FANCM: variants seen among roughly 807,000 people sequenced by gnomAD.
FANCM encodes Fanconi anemia group M protein.
A neutral mutation model predicts 199.5 loss-of-function variants in FANCM; 140 were observed. The observed-to-expected ratio is 0.70, with a 90% CI of 0.61 to 0.81. The LOEUF (loss-of-function observed/expected upper bound fraction) is 0.81, where lower values mean the gene tolerates loss of function less well. Ranked by LOEUF, FANCM falls within the 30% of genes least tolerant of loss-of-function variation. The pLI is 0.00. For missense variants in FANCM, 2,410 were observed against 2,421.4 expected (o/e 1.00, Z 0.10); for synonymous variants, 840 against 836.8 (o/e 1.00, Z -0.07).
chr14:45,140,579 AC>A (rs1885841429), intron 2 of FANCM, 52 bp from the exon 3 acceptor site: 2 of 921,470 alleles, frequency 2.2e-6, no homozygotes, highest in Non-Finnish European at 3.6e-6. Flanking sequence ...TAACAGAACC[AC>A]TGTTATTTTT....
At position 45,194,839 on chromosome 14, in the gene FANCM, C is replaced by T. The variant is rs112846178; in HGVS notation, c.5341-1333C>T. 2.3e-3 allele frequency among the ~76,000 whole-genome samples: 343 copies of T among 147,974 alleles called. 4 individuals carry two copies. Among genetic ancestry groups the T allele is most frequent in the African/African-American group, 8.3e-3 (331 of 40,006 alleles). The stretch of plus-strand genomic sequence containing the variant: ...TTTTTTTTTTTTTTTTGAGGCAGAG[C>T]CTCGCTCCGTAGCCCAGGCTGGAGT... On this transcript the variant is annotated intron_variant, in intron 20 of 22. Coordinates refer to ENST00000267430, the MANE Select transcript of FANCM (RefSeq NM_020937.4).
At chr14:45,148,198 AAAAC>A (rs1398654777) in intron 3 of FANCM, among the ~76,000 whole-genome samples, 108 of 129,286 alleles carry the variant, frequency 8.4e-4, no homozygotes, top group Middle Eastern at 3.6e-3. Context: ...CACCGTCTCA[AAAAC>A]ACACACACAC....
intron 5 of FANCM, among the ~76,000 whole-genome samples, chr14:45,152,430 A>T (rs1266326121): frequency 1.3e-5 from 2 of 152,174 alleles, no homozygotes; most frequent in African/African-American, 4.8e-5. Context: ...TGAATTTTAG[A>T]CACAGAACAT....
In FANCM at chr14:45,176,459, A is replaced by G. The variant is rs755896402; in HGVS notation, c.3705A>G (p.Gly1235=). ...RDLFSVTFDL[G]FCSPDSDDEI... ...TATTTTCTGTTACCTTTGATTTAGGATTCTGTAGTCCAGATTCTGATGATG... is the reference window on the plus strand; with the variant it reads ...TATTTTCTGTTACCTTTGATTTAGGGTTCTGTAGTCCAGATTCTGATGATG... The change falls in exon 14 of 23, where the codon GGA becomes GGG. Residue 1235 remains glycine (G), a synonymous_variant. Transcript: ENST00000267430. 6.2e-7 allele frequency: 1 copy of G among 1,612,878 alleles called. No homozygotes were observed. The highest frequency in any genetic ancestry group is 1.3e-5 in the African/African-American group (1 of 74,864).
rs1890265245 is a variant in FANCM, at chr14:45,199,866, TC to T, written c.6009-3del. On this transcript the variant is annotated splice_polypyrimidine_tract_variant and splice_region_variant and intron_variant, in intron 22 of 22. Transcript: ENST00000267430. ...GTAATGATTTTGTCTCATTTATTTT[TC>T]AGCTCACTTCAAGAAATCTCCATGT... 2 of 1,611,720 alleles carry T rather than the reference TC, an allele frequency of 1.2e-6. No homozygotes were observed. The highest frequency in any genetic ancestry group is 1.7e-6 in the Non-Finnish European group (2 of 1,178,364).
rs200644561 is a variant in FANCM, at chr14:45,137,253, G to A, written c.681+12G>A. 29 of 1,607,546 alleles carry A rather than the reference G, an allele frequency of 1.8e-5. No individual in the cohort carries two copies. The highest frequency in any genetic ancestry group is 2.4e-5 in the Non-Finnish European group (28 of 1,178,266). ...ATGCTTATTGCCAGGTAATAATTTT[G>A]TTAAACGGTATTTTGTATTGTAACT... On this transcript the variant is annotated intron_variant, in intron 2 of 22. Coordinates refer to ENST00000267430, the MANE Select transcript of FANCM (RefSeq NM_020937.4).
At position 45,176,870 on chromosome 14, in the gene FANCM, A is replaced by T. The variant is rs200548608; in HGVS notation, c.4116A>T (p.Arg1372Ser). The T allele has an allele frequency of 6.2e-7, 1 of 1,609,832 alleles. No individual in the cohort carries two copies. The highest frequency in any genetic ancestry group is 8.5e-7 in the Non-Finnish European group (1 of 1,177,034). Reference sequence around the variant, plus strand: ...GTAAGGAAAAAGTAAACCTACAAAGATTCAAAGAAGCATTGAATTCAACTT... The same window carrying T: ...GTAAGGAAAAAGTAAACCTACAAAGTTTCAAAGAAGCATTGAATTCAACTT... ...DSSKEKVNLQ[R>S]FKEALNSTFD... The change falls in exon 14 of 23, where the codon AGA becomes AGT. Residue 1372 changes from arginine to serine, a missense_variant. Arg to Ser is a moderately radical substitution (Grantham distance 110). Coordinates refer to ENST00000267430, the MANE Select transcript of FANCM (RefSeq NM_020937.4).
intron 5 of FANCM, among the ~76,000 whole-genome samples, chr14:45,152,032 CT>C (rs200837764): frequency 0.096 from 13,246 of 137,352 alleles, 663 homozygotes; most frequent in South Asian, 0.19. Flanking sequence ...TTAACTTTTT[CT>C]TTTTTTTTTT....
intron 3 of FANCM, among the ~76,000 whole-genome samples, chr14:45,148,200 A>AC (rs1566731408): frequency 1.3e-4 from 19 of 142,436 alleles, no homozygotes; most frequent in African/African-American, 3.4e-4. Context: ...CCGTCTCAAA[A>AC]ACACACACAC....
chr14:45,192,685 C>G (rs1283705790), intron 20 of FANCM, among the ~76,000 whole-genome samples: 1 of 151,908 alleles, frequency 6.6e-6, no homozygotes, highest in African/African-American at 2.4e-5. Context: ...AAAAATTAGC[C>G]TGGCATGCTG....
In FANCM at chr14:45,170,777, T is replaced by TC. The variant is rs538396321; in HGVS notation, c.2160+39dup. 1,066 of 1,574,198 alleles carry TC rather than the reference T, an allele frequency of 6.8e-4. 3 individuals carry two copies. The highest frequency in any genetic ancestry group is 5.8e-3 in the South Asian group (519 of 89,856). ...TTGAATATATTTTCAGATGTTCTTT[T>TC]CCCCCCCCTCATTTTAATGCCAGAA... On this transcript the variant is annotated intron_variant, in intron 12 of 22. Transcript: ENST00000267430.
chr14:45,188,734 G>A, intron 19 of FANCM, 68 bp from the exon 20 acceptor site: 3 of 1,169,568 alleles, frequency 2.6e-6, no homozygotes, highest in Admixed American at 3.7e-5. Context: ...CATGTGCCTA[G>A]AAGTATATTT....
intron 5 of FANCM, among the ~76,000 whole-genome samples, chr14:45,153,629 T>C (rs1886971933): frequency 6.6e-6 from 1 of 151,308 alleles, no homozygotes; most frequent in Non-Finnish European, 1.5e-5. Flanking sequence ...ACAATATAAT[T>C]TTTTTTTCCT....
At chr14:45,197,579 C>T (rs763482680) in intron 21 of FANCM, among the ~76,000 whole-genome samples, 8 of 151,690 alleles carry the variant, frequency 5.3e-5, no homozygotes, top group Non-Finnish European at 7.4e-5. Context: ...ATTCTCCTGC[C>T]TCAGCTTCCT....
At position 45,136,146 on chromosome 14, in the gene FANCM, A is replaced by G; in HGVS notation, c.115A>G (p.Lys39Glu). ...GCGACCTCAGAGCCCTGGCAGCTCCAAGGCGCCTTTGCCAGCAGCAGCGGA... is the reference window on the plus strand; with the variant it reads ...GCGACCTCAGAGCCCTGGCAGCTCCGAGGCGCCTTTGCCAGCAGCAGCGGA... ...TERPQSPGSSKAPLPAAAEAQ... is the reference protein window; with the variant it reads ...TERPQSPGSSEAPLPAAAEAQ... Residue 39 changes from lysine (K) to glutamate (E), a missense_variant, in exon 1 of 23, where the codon AAG becomes GAG. Coordinates refer to ENST00000267430, the MANE Select transcript of FANCM (RefSeq NM_020937.4). 2 of 1,614,162 alleles carry G rather than the reference A, an allele frequency of 1.2e-6. No homozygotes were observed. The highest frequency in any genetic ancestry group is 1.7e-6 in the Non-Finnish European group (2 of 1,180,026).
rs1888744078 is a variant in FANCM at position 45,176,885 on chromosome 14, G to A, written c.4131G>A (p.Leu1377=). The A allele has an allele frequency of 1.2e-6, 2 of 1,611,150 alleles. No homozygotes were observed. Among genetic ancestry groups the A allele is most frequent in the Non-Finnish European group, 8.5e-7 (1 of 1,177,810 alleles). ...KVNLQRFKEA[L]NSTFDYSEFS... Reference sequence around the variant, plus strand: ...ACCTACAAAGATTCAAAGAAGCATTGAATTCAACTTTTGATTATTCAGAAT... The same window carrying A: ...ACCTACAAAGATTCAAAGAAGCATTAAATTCAACTTTTGATTATTCAGAAT... Residue 1377 remains leucine, a synonymous_variant, in exon 14 of 23, where the codon TTG becomes TTA. Transcript: ENST00000267430.
chr14:45,137,107 AGT>A lies in FANCM; in HGVS notation c.548_549del (p.Ser183LysfsTer14), dbSNP rs1566717976. On this transcript the variant is annotated frameshift_variant, in exon 2 of 23. Transcript: ENST00000267430. LOFTEE classifies it high-confidence loss of function. ...TTCCACCAGGAAGGAAATATGGTGC[AGT>A]AAGAGAGTGCTTTTTCTTACACCTC... ...QASTRKEIWCSKRVLFLTPQV... is the reference protein window; with the variant it reads ...QASTRKEIWCXKRVLFLTPQV... 6 of 1,613,252 alleles carry A rather than the reference AGT, an allele frequency of 3.7e-6. No homozygotes were observed. The highest frequency in any genetic ancestry group is 5.1e-6 in the Non-Finnish European group (6 of 1,179,434).
At position 45,188,906 on chromosome 14, in the gene FANCM, C is replaced by T; in HGVS notation, c.4884C>T (p.Asn1628=). The T allele has an allele frequency of 1.2e-6, 2 of 1,613,770 alleles. No individual in the cohort carries two copies. The highest frequency in any genetic ancestry group is 1.7e-6 in the Non-Finnish European group (2 of 1,179,836). Residue 1628 remains asparagine (N), a synonymous_variant, in exon 20 of 23, where the codon AAC becomes AAT. Transcript: ENST00000267430. The part of the protein sequence containing the change: ...SSEEEVCVDF[N]LITDDCFANS... ...AAGAAGAAGTTTGTGTTGATTTTAACTTAATAACTGATGATTGCTTTGCAA... is the reference window on the plus strand; with the variant it reads ...AAGAAGAAGTTTGTGTTGATTTTAATTTAATAACTGATGATTGCTTTGCAA...
intron 3 of FANCM, among the ~76,000 whole-genome samples, chr14:45,147,971 G>A (rs1886537813): frequency 6.6e-6 from 1 of 151,922 alleles, no homozygotes; most frequent in Non-Finnish European, 1.5e-5. Context: ...GCCAAGGTGG[G>A]CGAATCATGA....
Sources: gnomAD v4.1 joint callset for allele counts (sites outside exome capture counted in the v4.1 genomes callset) on GRCh38, gnomAD v4.1.1 for gene constraint, MANE v1.5 for transcripts, NCBI Gene and HGNC (gene_info 2026-07-23, HGNC 2026-07-21) for gene names.